HERC1: variants seen among roughly 807,000 people sequenced by gnomAD.
HERC1 encodes HECT and RLD domain containing E3 ubiquitin protein ligase family member 1, also known as probable E3 ubiquitin-protein ligase HERC1.
A neutral mutation model predicts 554.3 loss-of-function variants in HERC1; 160 were observed. The observed-to-expected ratio is 0.29, with a 90% CI of 0.25 to 0.33. The LOEUF (loss-of-function observed/expected upper bound fraction) is 0.33, where lower values mean the gene tolerates loss of function less well. Among genes scored for constraint, HERC1 ranks in the 10% least tolerant of loss-of-function variants. The pLI, the probability that HERC1 is intolerant of heterozygous loss-of-function variation, is 1.00. For synonymous variants in HERC1, 2,175 were observed against 2,131.7 expected, an observed-to-expected ratio of 1.02 and a Z score of -0.56; for missense variants, 4,919 against 5,918.5, an observed-to-expected ratio of 0.83 and a Z score of 5.54.
chr15:63,774,681 T>G lies in HERC1; in HGVS notation c.930+13A>C, dbSNP rs1256878084. 1 of 1,570,068 alleles carries G rather than the reference T, an allele frequency of 6.4e-7. No individual in the cohort carries two copies. The highest frequency in any genetic ancestry group is 8.6e-7 in the Non-Finnish European group (1 of 1,157,678). On this transcript the variant is annotated intron_variant, in intron 2 of 77. Transcript: ENST00000443617. ...CTATTATGAACTTTAAAGTTGAGACTTATAGTACGTACCAAAGAACGCCTC... is the reference window on the plus strand; with the variant it reads ...CTATTATGAACTTTAAAGTTGAGACGTATAGTACGTACCAAAGAACGCCTC...
chr15:63,793,401 C>T (rs984383286), intron 1 of HERC1, among the ~76,000 whole-genome samples: 2 of 152,192 alleles, frequency 1.3e-5, no homozygotes, highest in Non-Finnish European at 2.9e-5. Flanking sequence ...CATTAGTATG[C>T]TAAAACACAC....
intron 12 of HERC1, among the ~76,000 whole-genome samples, chr15:63,740,441 G>A (rs1217494879): frequency 2.0e-5 from 3 of 152,194 alleles, no homozygotes; most frequent in Non-Finnish European, 4.4e-5. Flanking sequence ...CTTGGGTACA[G>A]ACCTAGTAGT....
chr15:63,652,891 C>G (rs1391826135), intron 51 of HERC1, among the ~76,000 whole-genome samples: 2 of 152,148 alleles, frequency 1.3e-5, no homozygotes, highest in Admixed American at 1.3e-4. Flanking sequence ...CTCAAGTGAT[C>G]CGCCCACCTC....
At chr15:63,625,354 A>G (rs1239323513) in intron 71 of HERC1, among the ~76,000 whole-genome samples, 1 of 152,326 alleles carries the variant, frequency 6.6e-6, no homozygotes, top group Non-Finnish European at 1.5e-5. Flanking sequence ...TTTTAAAATC[A>G]TATTTTAGAC....
rs2077946782 is a variant in HERC1, at chr15:63,826,817, ATAT to A, written c.-27+7007_-27+7009del. ...AAAAAAAAAAAAAAAAAAAAAAAAT[ATAT>A]ATATATATATATATATATATATAAA... On this transcript the variant is annotated intron_variant, in intron 1 of 77. Transcript: ENST00000443617. 2.3e-3 allele frequency among the ~76,000 whole-genome samples: 136 copies of A among 58,930 alleles called. 2 individuals are homozygous for A. The highest frequency in any genetic ancestry group is 4.0e-3 in the South Asian group (8 of 1,978). 38.7% of individuals were successfully genotyped at this position (58,930 alleles called of 152,430 possible). A position where few individuals can be genotyped will look rare whatever the true frequency, so the allele number is the denominator to read the frequency against.
At chr15:63,709,530 C>T (rs1201247293) in intron 24 of HERC1, among the ~76,000 whole-genome samples, 1 of 152,140 alleles carries the variant, frequency 6.6e-6, no homozygotes, top group Non-Finnish European at 1.5e-5. Flanking sequence ...CATTATTCTC[C>T]ACTTCAAAGA....
chr15:63,764,737 G>A (rs186314209), intron 2 of HERC1, among the ~76,000 whole-genome samples: 77 of 152,114 alleles, frequency 5.1e-4, no homozygotes, highest in Admixed American at 1.8e-3. Context: ...TGGTCAGGCA[G>A]TGGTTAACTG....
intron 12 of HERC1, among the ~76,000 whole-genome samples, chr15:63,736,069 A>G (rs570093844): frequency 5.9e-4 from 90 of 152,320 alleles, no homozygotes; most frequent in African/African-American, 2.1e-3. Context: ...CCAGAATGGA[A>G]AGGAAAAAAC....
At chr15:63,625,838 A>G in intron 71 of HERC1, 147 bp downstream of exon 71, 1 of 830,256 alleles carries the variant, frequency 1.2e-6, no homozygotes, top group Non-Finnish European at 2.0e-6. Flanking sequence ...TAACACAGCA[A>G]TAAAATGGGA....
In HERC1 at chr15:63,829,497, TATAC is replaced by T. The variant is rs1279159600; in HGVS notation, c.-27+4326_-27+4329del. Among the ~76,000 whole-genome samples the T allele has an allele frequency of 8.2e-3, 449 of 55,066 alleles. 5 individuals carry two copies. The highest frequency in any genetic ancestry group is 0.026 in the African/African-American group (409 of 15,736). The allele number at this position is 55,066 out of a possible 152,430, so 36.1% of individuals were successfully genotyped here. A position where few individuals can be genotyped will look rare whatever the true frequency, so the allele number is the denominator to read the frequency against. The stretch of plus-strand genomic sequence containing the variant: ...TTATATAAATATATATATATATATA[TATAC>T]ACACACACACATATATAAATAATAT... On this transcript the variant is annotated intron_variant, in intron 1 of 77. Coordinates refer to ENST00000443617, the MANE Select transcript of HERC1 (RefSeq NM_003922.4).
intron 1 of HERC1, among the ~76,000 whole-genome samples, chr15:63,791,448 C>A (rs1166788871): frequency 6.6e-6 from 1 of 152,120 alleles, no homozygotes; most frequent in Non-Finnish European, 1.5e-5. Context: ...ATCAATGCAG[C>A]AAGATTTGCC....
At chr15:63,786,043 T>A (rs575633117) in intron 1 of HERC1, among the ~76,000 whole-genome samples, 65 of 150,598 alleles carry the variant, frequency 4.3e-4, no homozygotes, top group Non-Finnish European at 2.2e-4. Flanking sequence ...ATGAAAACAA[T>A]CAGCTAACAA....
At chr15:63,626,640 A>T (rs1278595915) in intron 70 of HERC1, among the ~76,000 whole-genome samples, 1 of 152,228 alleles carries the variant, frequency 6.6e-6, no homozygotes, top group African/African-American at 2.4e-5. Context: ...ATATAGGTGC[A>T]TGATTCATGA....
intron 12 of HERC1, among the ~76,000 whole-genome samples, chr15:63,736,754 G>T (rs578171316): frequency 6.6e-6 from 1 of 152,176 alleles, no homozygotes; most frequent in African/African-American, 2.4e-5. Flanking sequence ...TTACAGGCAT[G>T]CGCCACCATG....
At chr15:63,685,738 G>A (rs2071723145) in intron 34 of HERC1, among the ~76,000 whole-genome samples, 2 of 152,304 alleles carry the variant, frequency 1.3e-5, no homozygotes, top group South Asian at 4.1e-4. Context: ...AGTAGACTGT[G>A]CAAAAGAAGG....
intron 1 of HERC1, among the ~76,000 whole-genome samples, chr15:63,776,398 T>C (rs2076115946): frequency 1.3e-5 from 2 of 152,240 alleles, no homozygotes; most frequent in Admixed American, 1.3e-4. Flanking sequence ...CCAAAAACTT[T>C]GGGACTCATA....
rs1209583103 is a variant in HERC1, at chr15:63,649,807, C to T, written c.10665G>A (p.Met3555Ile). The T allele has an allele frequency of 1.2e-6, 2 of 1,613,652 alleles. No individual in the cohort carries two copies. Among genetic ancestry groups the T allele is most frequent in the East Asian group, 2.2e-5 (1 of 44,842 alleles). The stretch of plus-strand genomic sequence containing the variant: ...CTTCAATCAGTCCCAGAGATCCATC[C>T]ATCCGTCCCACCAACAACAATTCTG... ...ESPELLLVGR[M>I]DGSLGLIEVV... is the part of the protein sequence containing the mutation. The change falls in exon 54 of 78, where the codon ATG becomes ATA. Residue 3555 changes from methionine (M) to isoleucine (I), a missense_variant. Physicochemically the swap from Met to Ile is conservative, Grantham distance 10. This residue lies in a region of HERC1 where 1,963 missense variants were observed against 2,228.6 expected (regional missense o/e 0.88). Coordinates refer to ENST00000443617, the MANE Select transcript of HERC1 (RefSeq NM_003922.4).
At chr15:63,831,228 T>G (rs2078142238) in intron 1 of HERC1, among the ~76,000 whole-genome samples, 1 of 152,072 alleles carries the variant, frequency 6.6e-6, no homozygotes, top group Admixed American at 6.6e-5. Flanking sequence ...CATCTCAGCC[T>G]CCCTAATAGC....
chr15:63,696,091 T>C (rs760070193), intron 27 of HERC1, 33 bp downstream of exon 27: 4 of 1,473,530 alleles, frequency 2.7e-6, no homozygotes, highest in Non-Finnish European at 3.8e-6. Flanking sequence ...AAATGACAGT[T>C]AAAATCTGTA....
Sources: gnomAD v4.1 joint callset for allele counts (sites outside exome capture counted in the v4.1 genomes callset) on GRCh38, gnomAD v4.1.1 for gene constraint, gnomAD v4.1.1 regional missense constraint, MANE v1.5 for transcripts, NCBI Gene and HGNC (gene_info 2026-07-23, HGNC 2026-07-21) for gene names.